Variants in ARNT2 observed in about 807,000 individuals in gnomAD.
ARNT2 encodes aryl hydrocarbon receptor nuclear translocator 2, also known as ARNT protein 2.
Under a neutral mutation model 91.7 loss-of-function variants are expected in ARNT2, and 36 were observed. The ratio of observed to expected loss-of-function variants is 0.39; its 90% CI spans 0.30 to 0.52. The LOEUF (loss-of-function observed/expected upper bound fraction) is 0.52, where lower values mean the gene tolerates loss of function less well. ARNT2 is among the 20% of genes least tolerant of loss of function. The pLI is 0.72. For missense variants in ARNT2, 775 were observed against 939.3 expected (o/e 0.83, Z 2.29); for synonymous variants, 365 against 347.1 (o/e 1.05, Z -0.57).
intron 18 of ARNT2, among the ~76,000 whole-genome samples, chr15:80,592,876 T>C (rs1893304870): frequency 6.6e-6 from 1 of 152,264 alleles, no homozygotes. Flanking sequence ...AACAAAGTTA[T>C]TGAGTTTCTT....
chr15:80,446,465 G>A (rs920199240), intron 1 of ARNT2, among the ~76,000 whole-genome samples: 1 of 152,116 alleles, frequency 6.6e-6, no homozygotes, highest in Non-Finnish European at 1.5e-5. Context: ...TTTCATCTGG[G>A]CCTGTGATTG....
At chr15:80,484,847 G>A (rs978972122) in intron 5 of ARNT2, among the ~76,000 whole-genome samples, 1 of 152,208 alleles carries the variant, frequency 6.6e-6, no homozygotes, top group East Asian at 1.9e-4. Context: ...GGGAGGCAGC[G>A]GGGGAGTGGA....
chr15:80,437,776 A>G (rs1896112758), intron 1 of ARNT2, among the ~76,000 whole-genome samples: 2 of 152,194 alleles, frequency 1.3e-5, no homozygotes, highest in South Asian at 4.1e-4. Context: ...CTTCGATTAC[A>G]TCACTTGCAT....
chr15:80,582,818 G>A (rs1230327859), intron 17 of ARNT2, among the ~76,000 whole-genome samples: 2 of 152,188 alleles, frequency 1.3e-5, no homozygotes, highest in East Asian at 1.9e-4. Flanking sequence ...CACTCAGCAC[G>A]GTTACCACCT....
In ARNT2 at chr15:80,554,829, A is replaced by G. The variant is rs534338944; in HGVS notation, c.1090-236A>G. ...TCTGAAGCTACTGATGTAGTGCCTTAGCAAAATTAGAAATGGATATTGAGC... is the reference window on the plus strand; with the variant it reads ...TCTGAAGCTACTGATGTAGTGCCTTGGCAAAATTAGAAATGGATATTGAGC... On this transcript the variant is annotated intron_variant, in intron 10 of 18. Transcript: ENST00000303329. 1.8e-3 allele frequency: 830 copies of G among 449,356 alleles called. 7 individuals carry two copies. The highest frequency in any genetic ancestry group is 2.8e-3 in the Non-Finnish European group (695 of 249,344). 27.8% of individuals were successfully genotyped at this position (449,356 alleles called of 1,614,324 possible).
At chr15:80,464,588 T>G (rs1896622546) in intron 3 of ARNT2, among the ~76,000 whole-genome samples, 1 of 152,190 alleles carries the variant, frequency 6.6e-6, no homozygotes, top group Admixed American at 6.5e-5. Context: ...GGGAGCAGGA[T>G]GCCTACCTCC....
chr15:80,571,866 C>A (rs1221525187), intron 12 of ARNT2, among the ~76,000 whole-genome samples: 2 of 152,206 alleles, frequency 1.3e-5, no homozygotes, highest in African/African-American at 2.4e-5. Flanking sequence ...TAGCCACTTG[C>A]CAGTTGGCCA....
chr15:80,523,142 C>T (rs1223619458), intron 8 of ARNT2, among the ~76,000 whole-genome samples: 1 of 152,118 alleles, frequency 6.6e-6, no homozygotes, highest in African/African-American at 2.4e-5. Flanking sequence ...ATGAACCCAT[C>T]AGTTTTGAGT....
chr15:80,509,092 G>T (rs1897309791), intron 6 of ARNT2, among the ~76,000 whole-genome samples: 1 of 152,188 alleles, frequency 6.6e-6, no homozygotes, highest in Non-Finnish European at 1.5e-5. Flanking sequence ...ACACATTTAT[G>T]TTAAGGGCCT....
At chr15:80,413,026 AG>A (rs2141554865) in intron 1 of ARNT2, among the ~76,000 whole-genome samples, 1 of 151,948 alleles carries the variant, frequency 6.6e-6, no homozygotes, top group South Asian at 2.1e-4. Context: ...ATGTCTATAA[AG>A]GGCAACTGTG....
intron 2 of ARNT2, among the ~76,000 whole-genome samples, chr15:80,457,727 G>T (rs543233197): frequency 6.6e-6 from 1 of 152,332 alleles, no homozygotes; most frequent in South Asian, 2.1e-4. Context: ...GTGGTGCTTA[G>T]ACTGAAGACC....
At chr15:80,535,252 G>A (rs550342704) in intron 8 of ARNT2, among the ~76,000 whole-genome samples, 48 of 152,298 alleles carry the variant, frequency 3.2e-4, no homozygotes, top group Admixed American at 3.3e-4. Flanking sequence ...CCCAGAGTTA[G>A]TTTTATAAAA....
chr15:80,591,591 C>G lies in ARNT2; in HGVS notation c.1942C>G (p.Gln648Glu). The G allele has an allele frequency of 6.2e-7, 1 of 1,614,194 alleles. No homozygotes were observed. Among genetic ancestry groups the G allele is most frequent in the Non-Finnish European group, 8.5e-7 (1 of 1,180,034 alleles). ...AGCTGAAAGTGGACAAAGTAGCGGG[C>G]AGTTCCAAGGGCGGCCCTCGGAAGT... ...GFAESGQSSG[Q>E]FQGRPSEVWS... Residue 648 changes from glutamine (Q) to glutamate (E), a missense_variant, in exon 18 of 19, where the codon CAG (glutamine) becomes GAG (glutamate). Transcript: ENST00000303329. This position sits in a 1 kb window ranked among gnomAD's most constrained non-coding sequence, Gnocchi z 5.1.
At chr15:80,560,516 C>G (rs574852670) in intron 11 of ARNT2, among the ~76,000 whole-genome samples, 7 of 152,144 alleles carry the variant, frequency 4.6e-5, no homozygotes, top group Non-Finnish European at 4.4e-5. Context: ...CTTCCCTTTC[C>G]CCAGCTCCTA....
intron 5 of ARNT2, among the ~76,000 whole-genome samples, chr15:80,483,354 A>G (rs550793784): frequency 6.6e-6 from 1 of 152,360 alleles, no homozygotes; most frequent in Non-Finnish European, 1.5e-5. Context: ...ATCCTTTGGC[A>G]TCTGGGACTG....
At chr15:80,444,315 C>T (rs1170641806) in intron 1 of ARNT2, 4 of 154,214 alleles carry the variant, frequency 2.6e-5, no homozygotes, top group Admixed American at 2.0e-4. Context: ...TGTTCCCTGT[C>T]AGGTCTGGGG....
chr15:80,411,870 G>A (rs1317607349), intron 1 of ARNT2, among the ~76,000 whole-genome samples: 1 of 152,206 alleles, frequency 6.6e-6, no homozygotes. Flanking sequence ...GGTGGTAGTG[G>A]TAGGTTCCGT....
chr15:80,441,491 C>G, intron 1 of ARNT2: 1 of 686,448 alleles, frequency 1.5e-6, no homozygotes, highest in Non-Finnish European at 1.8e-6. Context: ...CCCCTCCCAG[C>G]CATGGAAAGA....
At chr15:80,543,902 G>A (rs1236459014) in intron 8 of ARNT2, among the ~76,000 whole-genome samples, 2 of 151,896 alleles carry the variant, frequency 1.3e-5, no homozygotes, top group African/African-American at 2.4e-5. Flanking sequence ...CACCATGCCC[G>A]GCTAATTTTT....
Sources: gnomAD v4.1 joint callset for allele counts (sites outside exome capture counted in the v4.1 genomes callset) on GRCh38, gnomAD v4.1.1 for gene constraint, Gnocchi (gnomAD v3.1) non-coding constraint, MANE v1.5 for transcripts, NCBI Gene and HGNC (gene_info 2026-07-23, HGNC 2026-07-21) for gene names.